FAM199X: variants seen among roughly 807,000 people sequenced by gnomAD.
FAM199X encodes the protein family with sequence similarity 199, X-linked.
Under a neutral mutation model 22.9 loss-of-function variants are expected in FAM199X, and 4 were observed. The ratio of observed to expected loss-of-function variants is 0.17; its 90% CI spans 0.09 to 0.40. The LOEUF (loss-of-function observed/expected upper bound fraction) is 0.40. Ranked by LOEUF, FAM199X falls within the 10% of genes least tolerant of loss-of-function variation. FAM199X has a pLI of 1.00. For synonymous variants in FAM199X, 101 were observed against 112.3 expected, an observed-to-expected ratio of 0.90 and a Z score of 0.64; for missense variants, 183 against 306.8, an observed-to-expected ratio of 0.60 and a Z score of 3.01.
chrX:104,165,930 G>A (rs1419453604), upstream of FAM199X, among the ~76,000 whole-genome samples: 2 of 111,303 alleles, frequency 1.8e-5, no homozygotes, highest in African/African-American at 6.5e-5. Flanking sequence ...GTGCCTATGA[G>A]CAAAAGGCGC....
intron 2 of FAM199X, among the ~76,000 whole-genome samples, chrX:104,178,160 T>G (rs1484160371): frequency 9.0e-6 from 1 of 111,122 alleles, no homozygotes; most frequent in South Asian, 3.8e-4. Context: ...TTTTGTTTTT[T>G]TTTGTTTGTT....
chrX:104,172,153 G>C (rs1472089502), intron 1 of FAM199X, among the ~76,000 whole-genome samples: 2 of 108,577 alleles, frequency 1.8e-5, no homozygotes, highest in Admixed American at 2.0e-4. Context: ...TGTAATCCCA[G>C]CGCTTTGGAA....
Position 104,195,528 on chromosome X carries a change from G to A in FAM199X, c.*5750G>A, listed in dbSNP as rs1922041149. 2 of 110,791 alleles carry A rather than the reference G, an allele frequency of 1.8e-5. No individual in the cohort carries two copies. Among genetic ancestry groups the A allele is most frequent in the African/African-American group, 6.6e-5 (2 of 30,462 alleles). 9.1% of individuals were successfully genotyped at this position (110,791 alleles called of 1,213,427 possible). On this transcript the variant is annotated 3_prime_UTR_variant, in exon 6 of 6. Coordinates refer to ENST00000493442, the MANE Select transcript of FAM199X (RefSeq NM_207318.4). Reference sequence around the variant, plus strand: ...TAATCCATGCTATTACTGGGCAGTAGGTCTAATTTTTTTTGACAAAAAATA... The same window carrying A: ...TAATCCATGCTATTACTGGGCAGTAAGTCTAATTTTTTTTGACAAAAAATA...
chrX:104,188,342 A>G (rs782303925), intron 5 of FAM199X, 36 bp downstream of exon 5: 2 of 1,185,785 alleles, frequency 1.7e-6, no homozygotes, highest in African/African-American at 3.5e-5. Context: ...TTTACCTTTC[A>G]ATATTAACAT....
At chrX:104,186,041 C>T in intron 2 of FAM199X, 25 bp from the exon 3 acceptor site, 2 of 1,190,980 alleles carry the variant, frequency 1.7e-6, no homozygotes, top group East Asian at 6.0e-5. Context: ...CTTTCCTTCC[C>T]CACACCCTCC....
chrX:104,177,685 G>A (rs1420128759), intron 2 of FAM199X, among the ~76,000 whole-genome samples: 1 of 111,577 alleles, frequency 9.0e-6, no homozygotes, highest in Non-Finnish European at 1.9e-5. Context: ...TTTCATTATG[G>A]TTTTGAGCAT....
intron 2 of FAM199X, among the ~76,000 whole-genome samples, chrX:104,183,317 G>A (rs932344180): frequency 2.8e-5 from 3 of 108,801 alleles, no homozygotes; most frequent in Admixed American, 9.9e-5. Flanking sequence ...AAAATAGCAC[G>A]CATTTTCTTT....
rs199681241 is a variant in FAM199X at position 104,167,896 on chromosome X, T to TG, written c.197+921dup. Among the ~76,000 whole-genome samples the TG allele has an allele frequency of 9.9e-3, 1,048 of 106,015 alleles. 21 individuals are homozygous for TG. The highest frequency in any genetic ancestry group is 0.033 in the African/African-American group (967 of 29,010). The allele number at this position is 106,015 out of a possible 115,157, so 92.1% of individuals were successfully genotyped here. On this transcript the variant is annotated intron_variant, in intron 1 of 5. Coordinates refer to ENST00000493442, the MANE Select transcript of FAM199X (RefSeq NM_207318.4). ...TATTTGAGATACATATACAAAGGGC[T>TG]GGGGGGGTGTGTGGTTAAGGCTCTA...
At chrX:104,185,339 G>A (rs1382153032) in intron 2 of FAM199X, among the ~76,000 whole-genome samples, 1 of 110,810 alleles carries the variant, frequency 9.0e-6, no homozygotes, top group African/African-American at 3.3e-5. Context: ...CATCATTCAG[G>A]TCTCCCCAGA....
intron 1 of FAM199X, among the ~76,000 whole-genome samples, chrX:104,172,100 A>G (rs1569466751): frequency 9.0e-6 from 1 of 110,809 alleles, no homozygotes; most frequent in East Asian, 2.8e-4. Flanking sequence ...AAATTTGCAA[A>G]TTAGAAGATA....
rs1472143863 is a variant in FAM199X at position 104,189,742 on chromosome X, G to C, written c.1131G>C (p.Glu377Asp). 3.3e-6 allele frequency: 4 copies of C among 1,209,422 alleles called. No individual in the cohort carries two copies. Among genetic ancestry groups the C allele is most frequent in the Non-Finnish European group, 4.5e-6 (4 of 895,129 alleles). ...NEEVLSLKVT[E>D]EDHEADVDVL... Reference sequence around the variant, plus strand: ...AGGTGCTGTCCTTGAAAGTGACTGAGGAAGACCATGAAGCAGATGTTGATG... The same window carrying C: ...AGGTGCTGTCCTTGAAAGTGACTGACGAAGACCATGAAGCAGATGTTGATG... The change falls in exon 6 of 6, where the codon GAG becomes GAC. Residue 377 changes from glutamate to aspartate, a missense_variant. This residue lies in a region of FAM199X where 128 missense variants were observed against 246.2 expected (regional missense o/e 0.52). Coordinates refer to ENST00000493442, the MANE Select transcript of FAM199X (RefSeq NM_207318.4).
chrX:104,179,652 C>T (rs1556377341), intron 2 of FAM199X, among the ~76,000 whole-genome samples: 1 of 111,433 alleles, frequency 9.0e-6, no homozygotes, highest in Non-Finnish European at 1.9e-5. Context: ...TGCTTAATTG[C>T]CCTAGCTAGA....
chrX:104,161,937 T>C (rs1921053709), upstream of FAM199X, among the ~76,000 whole-genome samples: 6 of 112,374 alleles, frequency 5.3e-5, no homozygotes, highest in South Asian at 2.2e-3. Context: ...AAAATTTTTT[T>C]GCCATCAACC....
upstream of FAM199X, among the ~76,000 whole-genome samples, chrX:104,163,603 CATT>C (rs1357245856): frequency 2.7e-5 from 3 of 110,756 alleles, no homozygotes; most frequent in African/African-American, 6.6e-5. Context: ...TTTAAGTAAA[CATT>C]ATACATACAG....
chrX:104,164,929 T>A (rs1046126871), upstream of FAM199X, among the ~76,000 whole-genome samples: 2 of 112,152 alleles, frequency 1.8e-5, no homozygotes, highest in African/African-American at 6.5e-5. Context: ...CGTTAGCTTC[T>A]TATTAACAGT....
chrX:104,185,156 C>T (rs2147896233), intron 2 of FAM199X, among the ~76,000 whole-genome samples: 1 of 106,672 alleles, frequency 9.4e-6, no homozygotes, highest in East Asian at 2.9e-4. Context: ...GTCCTCCTGC[C>T]TCTGCCTCAC....
At chrX:104,159,414 G>A in the FAM199X span, among the ~76,000 whole-genome samples, 1 of 112,646 alleles carries the variant, frequency 8.9e-6, no homozygotes, top group Non-Finnish European at 1.9e-5. Context: ...AGCTGCTACT[G>A]CTAAGCAAAC....
intron 4 of FAM199X, among the ~76,000 whole-genome samples, chrX:104,187,833 CCAGCT>C (rs1921843197): frequency 8.9e-6 from 1 of 112,234 alleles, no homozygotes; most frequent in Admixed American, 9.4e-5. Context: ...CTTTTAAAAT[CCAGCT>C]CTATAACGTG....
rs1921186460 is a variant in FAM199X, at chrX:104,166,455, T to C, written c.-331T>C. 8.9e-6 allele frequency among the ~76,000 whole-genome samples: 1 copy of C among 111,955 alleles called. No individual in the cohort carries two copies. The highest frequency in any genetic ancestry group is 3.6e-4 in the South Asian group (1 of 2,753). ...GCGGGCGCCGGGCAGACTGCTGCAGTCGCAAGCGGCGAGCGCAGTGGGCGG... is the reference window on the plus strand; with the variant it reads ...GCGGGCGCCGGGCAGACTGCTGCAGCCGCAAGCGGCGAGCGCAGTGGGCGG... On this transcript the variant is annotated 5_prime_UTR_variant, in exon 1 of 6. Transcript: ENST00000493442.
Sources: gnomAD v4.1 joint callset for allele counts (sites outside exome capture counted in the v4.1 genomes callset) on GRCh38, gnomAD v4.1.1 for gene constraint, gnomAD v4.1.1 regional missense constraint, MANE v1.5 for transcripts, NCBI Gene and HGNC (gene_info 2026-07-23, HGNC 2026-07-21) for gene names.